MED13L: variants seen among roughly 807,000 people sequenced by gnomAD.
The protein encoded by MED13L is mediator of RNA polymerase II transcription subunit 13-like.
In MED13L, 7 loss-of-function variants were observed where a neutral mutation model predicts 220.9. The observed-to-expected ratio is 0.03, with a 90% CI of 0.02 to 0.06. The LOEUF is 0.06. Ranked by LOEUF, MED13L falls within the 10% of genes least tolerant of loss-of-function variation. The pLI is 1.00. For synonymous variants in MED13L, 1,011 were observed against 1,015.2 expected (o/e 1.00, Z 0.08); for missense variants, 1,965 against 2,760.5 (o/e 0.71, Z 6.46).
chr12:116,256,565 G>A (rs1452635830), intron 1 of MED13L, among the ~76,000 whole-genome samples: 2 of 151,760 alleles, frequency 1.3e-5, no homozygotes, highest in Admixed American at 6.6e-5. Flanking sequence ...TTATGAAACC[G>A]TACACTTAAA....
At chr12:115,981,834 T>C (rs1877350139) in intron 22 of MED13L, 1 of 154,698 alleles carries the variant, frequency 6.5e-6, no homozygotes, top group Non-Finnish European at 1.4e-5. Flanking sequence ...CTCAACTGTG[T>C]AAACAAAAAT....
At chr12:116,251,608 A>G (rs1871572201) in intron 1 of MED13L, among the ~76,000 whole-genome samples, 1 of 151,376 alleles carries the variant, frequency 6.6e-6, no homozygotes. Flanking sequence ...AAAAAATATA[A>G]AACATTAGCC....
chr12:115,982,624 G>A, intron 21 of MED13L, 21 bp from the exon 22 acceptor site: 1 of 1,574,514 alleles, frequency 6.4e-7, no homozygotes, highest in Non-Finnish European at 8.7e-7. Flanking sequence ...AGTCACTTGT[G>A]AGATGCACAA....
At chr12:116,245,921 A>G (rs190148521) in intron 1 of MED13L, among the ~76,000 whole-genome samples, 2 of 152,326 alleles carry the variant, frequency 1.3e-5, no homozygotes, top group Admixed American at 6.5e-5. Flanking sequence ...GAGCTCTCTG[A>G]GTGCTCAGAA....
chr12:116,019,449 A>C (rs911629550), intron 6 of MED13L, 37 bp from the exon 7 acceptor site: 2 of 1,604,208 alleles, frequency 1.2e-6, no homozygotes, highest in Non-Finnish European at 1.7e-6. Context: ...ATCAGGACTG[A>C]GAAAGAATTC....
rs1336104289 is a variant in MED13L at position 115,968,496 on chromosome 12, C to T, written c.6225+444G>A. The stretch of plus-strand genomic sequence containing the variant: ...ACTAAGCCAGGACACGCAAAGAGCA[C>T]GGCAGGCTCCTTTCAGAACAAGCCA... On this transcript the variant is annotated intron_variant, in intron 28 of 30. Coordinates refer to ENST00000281928, the MANE Select transcript of MED13L (RefSeq NM_015335.5). Among the ~76,000 whole-genome samples the T allele has an allele frequency of 2.0e-5, 3 of 152,144 alleles. 1 individual carries two copies. Among genetic ancestry groups the T allele is most frequent in the African/African-American group, 2.4e-5 (1 of 41,424 alleles).
At chr12:116,276,434 C>T (rs1643675620) in intron 1 of MED13L, 1 of 1,288,314 alleles carries the variant, frequency 7.8e-7, no homozygotes, top group Non-Finnish European at 1.0e-6. Context: ...CTCCACCTTC[C>T]GTCGGCTCGG....
chr12:116,122,911 C>A (rs764656303), intron 2 of MED13L, among the ~76,000 whole-genome samples: 2 of 152,112 alleles, frequency 1.3e-5, no homozygotes, highest in South Asian at 2.1e-4. Flanking sequence ...CTGTACAAGG[C>A]CTTCAAAAGA....
intron 2 of MED13L, among the ~76,000 whole-genome samples, chr12:116,125,235 C>T (rs879719399): frequency 2.0e-5 from 3 of 152,208 alleles, no homozygotes; most frequent in Non-Finnish European, 4.4e-5. Context: ...ATTCAGGCTG[C>T]TGAGGTGGGA....
chr12:115,964,639 T>C (rs939692508), intron 29 of MED13L, among the ~76,000 whole-genome samples: 2 of 152,224 alleles, frequency 1.3e-5, no homozygotes, highest in African/African-American at 4.8e-5. Flanking sequence ...TTTCATTCTA[T>C]CACTGTCATC....
chr12:116,266,764 C>T (rs180757699), intron 1 of MED13L, among the ~76,000 whole-genome samples: 6 of 152,264 alleles, frequency 3.9e-5, no homozygotes, highest in Non-Finnish European at 4.4e-5. Flanking sequence ...CAGGAGACCA[C>T]CTACATGTAA....
intron 2 of MED13L, among the ~76,000 whole-genome samples, chr12:116,172,870 G>C (rs1879779061): frequency 6.7e-6 from 1 of 148,426 alleles, no homozygotes; most frequent in African/African-American, 2.5e-5. Context: ...ACAGTGTCTT[G>C]CAAGGAATAA....
At position 115,959,919 on chromosome 12, in the gene MED13L, C is replaced by G. The variant is rs1254936177; in HGVS notation, c.*1347G>C. The G allele has an allele frequency of 1.3e-5, 2 of 152,530 alleles. No homozygotes were observed. The highest frequency in any genetic ancestry group is 1.3e-4 in the Admixed American group (2 of 15,282). The allele number at this position is 152,530 out of a possible 1,614,324, so 9.4% of individuals were successfully genotyped here. On this transcript the variant is annotated 3_prime_UTR_variant, in exon 31 of 31. Transcript: ENST00000281928. ...ATTCTCTCCACAGATGACAAGAGCT[C>G]AAAGGCCTGGTCACAGTGGCTCCCG...
chr12:116,276,530 A>G lies in MED13L; in HGVS notation c.72+530T>C, dbSNP rs1055385794. ...TTACAATCGCGGGAGCTTCGGGTGCAAGAGTCCTTTCCTGACACAATCGCA... is the reference window on the plus strand; with the variant it reads ...TTACAATCGCGGGAGCTTCGGGTGCGAGAGTCCTTTCCTGACACAATCGCA... On this transcript the variant is annotated intron_variant, in intron 1 of 30. Coordinates refer to ENST00000281928, the MANE Select transcript of MED13L (RefSeq NM_015335.5). 7.8e-6 allele frequency: 10 copies of G among 1,281,080 alleles called. No individual in the cohort carries two copies. In the African/African-American group the frequency reaches 1.1e-4, roughly 14 times the overall value. 79.4% of individuals were successfully genotyped at this position (1,281,080 alleles called of 1,614,324 possible). A position where few individuals can be genotyped will look rare whatever the true frequency, so the allele number is the denominator to read the frequency against.
intron 4 of MED13L, among the ~76,000 whole-genome samples, chr12:116,031,253 C>T (rs1407010389): frequency 6.6e-6 from 1 of 151,686 alleles, no homozygotes; most frequent in Admixed American, 6.6e-5. Context: ...CAAGTCAATG[C>T]AATAAGACAA....
At chr12:116,087,481 C>G (rs1306336092) in intron 4 of MED13L, among the ~76,000 whole-genome samples, 1 of 152,168 alleles carries the variant, frequency 6.6e-6, no homozygotes, top group Non-Finnish European at 1.5e-5. Flanking sequence ...AAATCTAACT[C>G]TAATCTACAA....
At chr12:116,263,024 G>C (rs902209458) in intron 1 of MED13L, among the ~76,000 whole-genome samples, 8 of 152,164 alleles carry the variant, frequency 5.3e-5, no homozygotes, top group Admixed American at 2.0e-4. Context: ...TTAAATGTTA[G>C]TTAAGAACTT....
At chr12:116,207,893 C>G (rs1882452795) in intron 2 of MED13L, among the ~76,000 whole-genome samples, 1 of 152,128 alleles carries the variant, frequency 6.6e-6, no homozygotes, top group African/African-American at 2.4e-5. Flanking sequence ...TCTCTAAATA[C>G]TATGCCCCAA....
At chr12:116,065,909 A>C (rs1447782513) in intron 4 of MED13L, among the ~76,000 whole-genome samples, 1 of 152,260 alleles carries the variant, frequency 6.6e-6, no homozygotes, top group African/African-American at 2.4e-5. Context: ...GGACAAATGC[A>C]GTAAAGAAAA....
Sources: gnomAD v4.1 joint callset for allele counts (sites outside exome capture counted in the v4.1 genomes callset) on GRCh38, gnomAD v4.1.1 for gene constraint, MANE v1.5 for transcripts, NCBI Gene and HGNC (gene_info 2026-07-23, HGNC 2026-07-21) for gene names.